Variants in PML observed in about 807,000 individuals in gnomAD.
PML encodes PML nuclear body scaffold.
Under a neutral mutation model 65.2 loss-of-function variants are expected in PML, and 28 were observed. That is an observed-to-expected ratio of 0.43 (90% confidence interval 0.32 to 0.59). The LOEUF (loss-of-function observed/expected upper bound fraction) is 0.59, where lower values mean the gene tolerates loss of function less well. Among genes scored for constraint, PML ranks in the 20% least tolerant of loss-of-function variants. PML has a pLI of 0.08. For synonymous variants in PML, 500 were observed against 508.8 expected, an observed-to-expected ratio of 0.98 and a Z score of 0.23; for missense variants, 1,021 against 1,203.4, an observed-to-expected ratio of 0.85 and a Z score of 2.24.
chr15:74,005,237 G>C (rs1350769914), intron 2 of PML, among the ~76,000 whole-genome samples: 2 of 150,802 alleles, frequency 1.3e-5, no homozygotes, highest in Non-Finnish European at 2.9e-5. Flanking sequence ...ATTATTAGTA[G>C]AGACGGCGTT....
At chr15:74,028,156 C>T (rs1408553544) in intron 4 of PML, 1 of 152,122 alleles carries the variant, frequency 6.6e-6, no homozygotes, top group African/African-American at 2.4e-5. Context: ...TTTTTGTAAT[C>T]GTGTTATAAT....
intron 5 of PML, 91 bp downstream of exon 5, chr15:74,032,806 C>A: frequency 1.5e-6 from 2 of 1,308,582 alleles, no homozygotes; most frequent in Non-Finnish European, 2.2e-6. Flanking sequence ...TCCAGGCCTT[C>A]ATCAGATCAG....
Position 74,045,230 on chromosome 15 carries a change from A to C in PML, c.*222A>C. 1.8e-6 allele frequency: 1 copy of C among 553,300 alleles called. No individual in the cohort carries two copies. The highest frequency in any genetic ancestry group is 3.2e-6 in the Non-Finnish European group (1 of 313,472). The allele number at this position is 553,300 out of a possible 1,614,324, so 34.3% of individuals were successfully genotyped here. ...ACCCATCACCCTAGGTGTGCACCAG[A>C]CTCCTATTAGCCCCTCCTTCCAGGA... On this transcript the variant is annotated 3_prime_UTR_variant, in exon 9 of 9. Transcript: ENST00000268058.
At position 74,024,922 on chromosome 15, in the gene PML, G is replaced by T; in HGVS notation, c.1249G>T (p.Asp417Tyr). The T allele has an allele frequency of 6.2e-7, 1 of 1,612,014 alleles. No homozygotes were observed. Among genetic ancestry groups the T allele is most frequent in the South Asian group, 1.1e-5 (1 of 91,004 alleles). ...CACTCCCAGGGACCCTATTGACGTTGACCTGGTGAGATGGGTTTGAGGTCT... is the reference window on the plus strand; with the variant it reads ...CACTCCCAGGGACCCTATTGACGTTTACCTGGTGAGATGGGTTTGAGGTCT... ...ASTPRDPIDV[D>Y]LPEEAERVKA... Residue 417 changes from aspartate to tyrosine, a missense_variant, in exon 4 of 9, where the codon GAC (aspartate) becomes TAC (tyrosine). Transcript: ENST00000268058.
chr15:73,998,121 G>C lies in PML; in HGVS notation c.247G>C (p.Ala83Pro). Residue 83 changes from alanine to proline, a missense_variant, in exon 2 of 9, where the codon GCG (alanine) becomes CCG (proline). Physicochemically the swap from Ala to Pro is conservative, Grantham distance 27. Coordinates refer to ENST00000268058, the MANE Select transcript of PML (RefSeq NM_033238.3). ...LHTLCSGCLE[A>P]SGMQCPICQA... ...CACGCTGTGCTCAGGATGCCTGGAGGCGTCGGGCATGCAGTGCCCCATCTG... is the reference window on the plus strand; with the variant it reads ...CACGCTGTGCTCAGGATGCCTGGAGCCGTCGGGCATGCAGTGCCCCATCTG... The C allele has an allele frequency of 6.2e-7, 1 of 1,614,034 alleles. No individual in the cohort carries two copies. Among genetic ancestry groups the C allele is most frequent in the Non-Finnish European group, 8.5e-7 (1 of 1,180,018 alleles).
At chr15:74,003,686 G>A (rs1466040735) in intron 2 of PML, among the ~76,000 whole-genome samples, 1 of 151,926 alleles carries the variant, frequency 6.6e-6, no homozygotes, top group African/African-American at 2.4e-5. Flanking sequence ...TTTCTGAACA[G>A]GTATTAAGCT....
At chr15:74,029,020 G>A (rs1434738554) in intron 4 of PML, among the ~76,000 whole-genome samples, 1 of 152,148 alleles carries the variant, frequency 6.6e-6, no homozygotes, top group Non-Finnish European at 1.5e-5. Flanking sequence ...TTACTCAGAA[G>A]TGGGATCGCT....
intron 4 of PML, among the ~76,000 whole-genome samples, chr15:74,030,714 G>A (rs1266657186): frequency 6.6e-6 from 1 of 152,110 alleles, no homozygotes; most frequent in African/African-American, 2.4e-5. Flanking sequence ...GGGTCCCGAG[G>A]TATGTGACCT....
chr15:73,994,812 C>A lies in PML; in HGVS notation c.-1C>A. 6.4e-7 allele frequency: 1 copy of A among 1,554,516 alleles called. No individual in the cohort carries two copies. The highest frequency in any genetic ancestry group is 1.2e-5 in the South Asian group (1 of 84,312). On this transcript the variant is annotated 5_prime_UTR_variant, in exon 1 of 9. Transcript: ENST00000268058. ...CGAGAATCGAAACTAAGCTGGGGTC[C>A]ATGGAGCCTGCACCCGCCCGATCTC...
In PML at chr15:73,998,322, A is replaced by C; in HGVS notation, c.448A>C (p.Lys150Gln). 1 of 1,614,212 alleles carries C rather than the reference A, an allele frequency of 6.2e-7. No individual in the cohort carries two copies. Among genetic ancestry groups the C allele is most frequent in the African/African-American group, 1.3e-5 (1 of 75,048 alleles). ...CFECEQLLCA[K>Q]CFEAHQWFLK... is the part of the protein sequence containing the mutation. ...TGAGTGCGAGCAGCTCCTCTGCGCC[A>C]AGTGCTTCGAGGCACACCAGTGGTT... is the stretch of plus-strand genomic sequence containing the variant. The change falls in exon 2 of 9, where the codon AAG (lysine) becomes CAG (glutamine). Residue 150 changes from lysine (K) to glutamine (Q), a missense_variant. Transcript: ENST00000268058.
Position 74,042,559 on chromosome 15 carries a change from C to T in PML, c.1711-430C>T. 3 of 985,396 alleles carry T rather than the reference C, an allele frequency of 3.0e-6. No homozygotes were observed. Among genetic ancestry groups the T allele is most frequent in the Non-Finnish European group, 3.6e-6 (3 of 829,904 alleles). 61.0% of individuals were successfully genotyped at this position (985,396 alleles called of 1,614,324 possible). A position where few individuals can be genotyped will look rare whatever the true frequency, so the allele number is the denominator to read the frequency against. ...AGGTCCTGCCTGCCATAGCAGATGGCTCCTTCCCTGAGCCTCCATAAGCAG... is the reference window on the plus strand; with the variant it reads ...AGGTCCTGCCTGCCATAGCAGATGGTTCCTTCCCTGAGCCTCCATAAGCAG... On this transcript the variant is annotated intron_variant, in intron 7 of 8. Transcript: ENST00000268058. The surrounding 1 kb of genome is among the most constrained non-coding windows in gnomAD (Gnocchi z 5.3).
In PML at chr15:74,037,557, C is replaced by T. The variant is rs1432864643; in HGVS notation, c.1710+3027C>T. On this transcript the variant is annotated intron_variant, in intron 7 of 8. Coordinates refer to ENST00000268058, the MANE Select transcript of PML (RefSeq NM_033238.3). The surrounding 1 kb of genome is among the most constrained non-coding windows in gnomAD (Gnocchi z 4.2). ...CCCCTTCCTCTGCTCTCCTTGTTTA[C>T]ACTTCAGCCCCCTCCTTGCCCCTTC... 4.1e-6 allele frequency: 4 copies of T among 985,270 alleles called. No homozygotes were observed. The highest frequency in any genetic ancestry group is 1.7e-5 in the African/African-American group (1 of 57,216). The allele number at this position is 985,270 out of a possible 1,614,324, so 61.0% of individuals were successfully genotyped here. A position where few individuals can be genotyped will look rare whatever the true frequency, so the allele number is the denominator to read the frequency against.
chr15:73,994,856 C>T lies in PML; in HGVS notation c.44C>T (p.Pro15Leu). 6.4e-7 allele frequency: 1 copy of T among 1,559,250 alleles called. No individual in the cohort carries two copies. The change falls in exon 1 of 9, where the codon CCC becomes CTC. Residue 15 changes from proline (P) to leucine (L), a missense_variant. Transcript: ENST00000268058. ...PARSPRPQQDPARPQEPTMPP... is the reference protein window; with the variant it reads ...PARSPRPQQDLARPQEPTMPP... ...CGATCTCCGAGGCCCCAGCAGGACC[C>T]CGCCCGGCCCCAGGAGCCCACCATG...
At chr15:74,008,773 G>C (rs1280007318) in intron 2 of PML, among the ~76,000 whole-genome samples, 1 of 151,918 alleles carries the variant, frequency 6.6e-6, no homozygotes, top group Non-Finnish European at 1.5e-5. Flanking sequence ...CCATTGATGG[G>C]CATTGAGGAG....
rs541797929 is a variant in PML at position 74,029,965 on chromosome 15, A to AG, written c.1255-2604dup. On this transcript the variant is annotated intron_variant, in intron 4 of 8. Transcript: ENST00000268058. ...TGGAGAAAAAGAAAGGAAGGAAGGAAGGGAGGAGGGAAGGAGGTCAATCCA... is the reference window on the plus strand; with the variant it reads ...TGGAGAAAAAGAAAGGAAGGAAGGAAGGGGAGGAGGGAAGGAGGTCAATCCA... Among the ~76,000 whole-genome samples, 433 of 152,302 alleles carry AG rather than the reference A, an allele frequency of 2.8e-3. 1 individual carries two copies. The highest frequency in any genetic ancestry group is 5.3e-3 in the Non-Finnish European group (362 of 68,012).
At chr15:74,018,102 C>T (rs552575105) in intron 2 of PML, among the ~76,000 whole-genome samples, 1 of 151,672 alleles carries the variant, frequency 6.6e-6, no homozygotes, top group South Asian at 2.1e-4. Flanking sequence ...GGTGGATCAC[C>T]TGAGATCAGG....
At chr15:74,023,609 G>A (rs2070943287) in intron 3 of PML, among the ~76,000 whole-genome samples, 1 of 152,154 alleles carries the variant, frequency 6.6e-6, no homozygotes, top group African/African-American at 2.4e-5. Flanking sequence ...CCACCCAGAG[G>A]GGACACATTT....
chr15:74,001,574 C>T (rs1347891164), intron 2 of PML, among the ~76,000 whole-genome samples: 2 of 152,228 alleles, frequency 1.3e-5, no homozygotes, highest in South Asian at 2.1e-4. Flanking sequence ...CTCCTGGCCT[C>T]AAGTGATCCA....
At chr15:74,022,308 T>C (rs150994846) in intron 2 of PML, among the ~76,000 whole-genome samples, 5 of 152,332 alleles carry the variant, frequency 3.3e-5, no homozygotes, top group African/African-American at 1.2e-4. Flanking sequence ...AAAATTATTG[T>C]AGATATCTAG....
Sources: gnomAD v4.1 joint callset for allele counts (sites outside exome capture counted in the v4.1 genomes callset) on GRCh38, gnomAD v4.1.1 for gene constraint, Gnocchi (gnomAD v3.1) non-coding constraint, MANE v1.5 for transcripts, NCBI Gene and HGNC (gene_info 2026-07-23, HGNC 2026-07-21) for gene names.